The following SYTL2 variants were observed in gnomAD, a reference collection of about 807,000 sequenced individuals.
The protein encoded by SYTL2 is synaptotagmin-like protein 2.
SYTL2 carries 165 observed loss-of-function variants against 198.7 expected under a neutral mutation model. The observed-to-expected ratio is 0.83, with a 90% CI of 0.73 to 0.94. The LOEUF is 0.94. Among genes scored for constraint, SYTL2 ranks in the 40% least tolerant of loss-of-function variants. The pLI is 0.00. For missense variants in SYTL2, 2,835 were observed against 2,582.8 expected (o/e 1.10, Z -2.12); for synonymous variants, 966 against 917.7 (o/e 1.05, Z -0.95).
chr11:85,819,527 G>A, the SYTL2 span, among the ~76,000 whole-genome samples: 338 of 152,298 alleles, frequency 2.2e-3, no homozygotes, highest in African/African-American at 7.6e-3. Flanking sequence ...CAGTAATTTA[G>A]CCTAAGCTTT....
Position 85,695,267 on chromosome 11 carries a change from T to C in SYTL2, c.6648A>G (p.Val2216=), listed in dbSNP as rs750795549. Residue 2216 remains valine, a synonymous_variant, in exon 20 of 20, where the codon GTA becomes GTG. Transcript: ENST00000359152. ...SEEVALWEKM[V]NSPNTWIEAT... is the part of the protein sequence containing the mutation. Reference sequence around the variant, plus strand: ...CTTCAATCCAAGTATTGGGGGAGTTTACCATCTTCTCCCAGAGAGCAACTT... The same window carrying C: ...CTTCAATCCAAGTATTGGGGGAGTTCACCATCTTCTCCCAGAGAGCAACTT... 6 of 1,612,862 alleles carry C rather than the reference T, an allele frequency of 3.7e-6. No individual in the cohort carries two copies. In the South Asian group the frequency reaches 4.4e-5, roughly 12 times the overall value.
rs777037306 is a variant in SYTL2 at position 85,734,644 on chromosome 11, AC to A, written c.684del (p.Ser229ProfsTer13). 2 of 1,614,052 alleles carry A rather than the reference AC, an allele frequency of 1.2e-6. No homozygotes were observed. Among genetic ancestry groups the A allele is most frequent in the African/African-American group, 2.7e-5 (2 of 74,994 alleles). On this transcript the variant is annotated frameshift_variant, in exon 7 of 20. Transcript: ENST00000359152. LOFTEE classifies it high-confidence loss of function. ...SKQTLPGLSN[G>X]SQIKAPIPKA... is the part of the protein sequence containing the mutation. ...TTGGGGATTGGAGCCTTGATTTGGGACCCATTTGAAAGGCCTGGCAAAGTCT... is the reference window on the plus strand; with the variant it reads ...TTGGGGATTGGAGCCTTGATTTGGGACCATTTGAAAGGCCTGGCAAAGTCT...
At chr11:85,730,849 C>T (rs2089740250) in intron 7 of SYTL2, among the ~76,000 whole-genome samples, 1 of 152,094 alleles carries the variant, frequency 6.6e-6, no homozygotes, top group Non-Finnish European at 1.5e-5. Context: ...AAAACCTCAT[C>T]GTCTCAGCCC....
chr11:85,773,653 G>T (rs984032117), intron 1 of SYTL2, among the ~76,000 whole-genome samples: 11 of 152,074 alleles, frequency 7.2e-5, no homozygotes, highest in Non-Finnish European at 1.3e-4. Context: ...ACCTGTGCCC[G>T]CCACTCCATG....
Position 85,708,988 on chromosome 11 carries a change from G to A in SYTL2, c.5915+343C>T, listed in dbSNP as rs562938612. The stretch of plus-strand genomic sequence containing the variant: ...CGAGTAGCTGGGACTACAGGCGCCC[G>A]CCACCACGCCCAGCTAATTTTTTGT... On this transcript the variant is annotated intron_variant, in intron 14 of 19. Transcript: ENST00000359152. Among the ~76,000 whole-genome samples the A allele has an allele frequency of 1.2e-3, 188 of 151,516 alleles. 1 individual carries two copies. The highest frequency in any genetic ancestry group is 2.2e-3 in the Non-Finnish European group (148 of 67,804).
chr11:85,700,392 G>A (rs2084096342), intron 17 of SYTL2, 123 bp downstream of exon 17: 7 of 660,164 alleles, frequency 1.1e-5, no homozygotes, highest in Non-Finnish European at 1.9e-5. Flanking sequence ...AGACTCATTT[G>A]GTCTATACGT....
Position 85,757,733 on chromosome 11 carries a change from A to T in SYTL2, c.-8T>A. 6.2e-7 allele frequency: 1 copy of T among 1,611,014 alleles called. No homozygotes were observed. The highest frequency in any genetic ancestry group is 8.5e-7 in the Non-Finnish European group (1 of 1,179,864). ...GAAGCTTAAGTCAATCATTTTGAAAAGTGCATGCAAAAATAATAGCAACAA... is the reference window on the plus strand; with the variant it reads ...GAAGCTTAAGTCAATCATTTTGAAATGTGCATGCAAAAATAATAGCAACAA... On this transcript the variant is annotated 5_prime_UTR_variant, in exon 2 of 20. Coordinates refer to ENST00000359152, the MANE Select transcript of SYTL2 (RefSeq NM_206927.4).
chr11:85,789,054 C>T (rs1340910948), intron 1 of SYTL2, among the ~76,000 whole-genome samples: 3 of 151,334 alleles, frequency 2.0e-5, no homozygotes, highest in Admixed American at 6.6e-5. Context: ...GCATATCTTG[C>T]AAACCTCAAA....
At chr11:85,708,318 G>A (rs1426798844) in intron 14 of SYTL2, among the ~76,000 whole-genome samples, 1 of 151,906 alleles carries the variant, frequency 6.6e-6, no homozygotes, top group East Asian at 1.9e-4. Flanking sequence ...ACCTAGTCAA[G>A]TTATCTTCAA....
chr11:85,725,436 G>A lies in SYTL2; in HGVS notation c.3922C>T (p.Pro1308Ser), dbSNP rs1328284921. The change falls in exon 8 of 20, where the codon CCA (proline) becomes TCA (serine). Residue 1308 changes from proline to serine, a missense_variant. This residue lies in a region of SYTL2 where 2,645 missense variants were observed against 2,381.7 expected (regional missense o/e 1.11). Transcript: ENST00000359152. ...GAAAGCTGGGAAGTTGGATCCAATG[G>A]ATGAGAATCTTCTGCAGCCATCTGA... ...LIQMAAEDSH[P>S]LDPTSQLSRK... 6.8e-6 allele frequency: 11 copies of A among 1,613,950 alleles called. No individual in the cohort carries two copies. Among genetic ancestry groups the A allele is most frequent in the Non-Finnish European group, 9.3e-6 (11 of 1,180,002 alleles).
rs1352652037 is a variant in SYTL2, at chr11:85,720,971, C to T, written c.5327-12G>A. 6.7e-7 allele frequency: 1 copy of T among 1,485,370 alleles called. No individual in the cohort carries two copies. The highest frequency in any genetic ancestry group is 2.3e-5 in the East Asian group (1 of 43,846). 92.0% of individuals were successfully genotyped at this position (1,485,370 alleles called of 1,614,324 possible). On this transcript the variant is annotated splice_polypyrimidine_tract_variant and intron_variant, in intron 8 of 19. Transcript: ENST00000359152. The stretch of plus-strand genomic sequence containing the variant: ...TTCTTCTTCTGAACCTGTTATAAAA[C>T]AAAATCGATGAACACTGCACAATAC...
rs559811553 is a variant in SYTL2, at chr11:85,735,522, C to T, written c.587-780G>A. On this transcript the variant is annotated intron_variant, in intron 6 of 19. Coordinates refer to ENST00000359152, the MANE Select transcript of SYTL2 (RefSeq NM_206927.4). ...CTGTAATCCCAGCACTTTGGGAAGC[C>T]GAGGTGGGTGGATCACTTGAGTCCA... Among the ~76,000 whole-genome samples, 20 of 152,222 alleles carry T rather than the reference C, an allele frequency of 1.3e-4. No homozygotes were observed. In the South Asian group the frequency reaches 3.7e-3, roughly 28 times the overall value.
intron 6 of SYTL2, among the ~76,000 whole-genome samples, 194 bp downstream of exon 6, chr11:85,736,307 C>T (rs941280995): frequency 2.0e-5 from 3 of 152,202 alleles, no homozygotes; most frequent in Non-Finnish European, 4.4e-5. Flanking sequence ...GACTGGAATG[C>T]GTGAGCTATC....
chr11:85,764,626 A>G (rs2092190661), intron 1 of SYTL2, among the ~76,000 whole-genome samples: 1 of 152,192 alleles, frequency 6.6e-6, no homozygotes, highest in African/African-American at 2.4e-5. Flanking sequence ...CCCTCTGTAC[A>G]TTTGACTTTG....
At chr11:85,736,763 C>T in intron 5 of SYTL2, 148 bp from the exon 6 acceptor site, 4 of 591,454 alleles carry the variant, frequency 6.8e-6, no homozygotes, top group Non-Finnish European at 1.2e-5. Flanking sequence ...CCTGATTAAT[C>T]TGCTTAGCAC....
intron 1 of SYTL2, among the ~76,000 whole-genome samples, chr11:85,796,462 A>G (rs764500390): frequency 6.6e-6 from 1 of 152,216 alleles, no homozygotes; most frequent in Non-Finnish European, 1.5e-5. Flanking sequence ...TCATTTTTCT[A>G]AGAGTCTAAT....
chr11:85,726,844 G>A lies in SYTL2; in HGVS notation c.2514C>T (p.Ser838=), dbSNP rs1268585041. ...TCTGGTCTGTAGATAAACTGTCCAT[G>A]GATGATACACCCTGTGACTTCTTCA... The part of the protein sequence containing the change: ...QPVKKSQGVS[S]MDSLSTDQSE... Residue 838 remains serine (S), a synonymous_variant, in exon 8 of 20, where the codon TCC becomes TCT. Coordinates refer to ENST00000359152, the MANE Select transcript of SYTL2 (RefSeq NM_206927.4). 3 of 1,536,462 alleles carry A rather than the reference G, an allele frequency of 2.0e-6. No individual in the cohort carries two copies. In the South Asian group the frequency reaches 3.6e-5, roughly 18 times the overall value.
chr11:85,822,112 A>T, the SYTL2 span, among the ~76,000 whole-genome samples: 3 of 152,200 alleles, frequency 2.0e-5, no homozygotes, highest in Non-Finnish European at 4.4e-5. Context: ...TACCACTCCC[A>T]TTTTACAAGT....
chr11:85,853,264 T>A, the SYTL2 span: 1 of 433,226 alleles, frequency 2.3e-6, no homozygotes, highest in South Asian at 1.6e-5. Flanking sequence ...ATTGTTGCCG[T>A]GTCTTGAGTA....
Sources: gnomAD v4.1 joint callset for allele counts (sites outside exome capture counted in the v4.1 genomes callset) on GRCh38, gnomAD v4.1.1 for gene constraint, gnomAD v4.1.1 regional missense constraint, MANE v1.5 for transcripts, NCBI Gene and HGNC (gene_info 2026-07-23, HGNC 2026-07-21) for gene names.